The following ACTR3C variants were observed in gnomAD, a reference collection of about 807,000 sequenced individuals.
ACTR3C encodes actin related protein 3C.
ACTR3C carries 18 observed loss-of-function variants against 26.3 expected under a neutral mutation model. The observed-to-expected ratio is 0.68, with a 90% confidence interval of 0.47 to 1.01. The LOEUF (loss-of-function observed/expected upper bound fraction) is 1.01, where lower values mean the gene tolerates loss of function less well. ACTR3C is among the 50% of genes least tolerant of loss of function. ACTR3C has a pLI of 0.00. For missense variants in ACTR3C, 184 were observed against 250.7 expected (o/e 0.73, Z 1.80); for synonymous variants, 55 against 94.5 (o/e 0.58, Z 2.42).
the ACTR3C span, among the ~76,000 whole-genome samples, chr7:150,126,673 G>T: frequency 6.6e-6 from 1 of 152,152 alleles, no homozygotes; most frequent in African/African-American, 2.4e-5. Flanking sequence ...TTTGTGCTTT[G>T]CCTTGGACAG....
chr7:150,176,970 C>A, the ACTR3C span, among the ~76,000 whole-genome samples: 1 of 150,548 alleles, frequency 6.6e-6, no homozygotes, highest in Non-Finnish European at 1.5e-5. Context: ...TGGATAATAT[C>A]CCTAGAGGTC....
chr7:150,233,943 C>G, the ACTR3C span, among the ~76,000 whole-genome samples: 1 of 151,928 alleles, frequency 6.6e-6, no homozygotes, highest in Non-Finnish European at 1.5e-5. Context: ...GGCAAACAGG[C>G]CTTTAGTGAG....
chr7:150,305,068 C>T (rs951780204), intron 1 of ACTR3C, among the ~76,000 whole-genome samples: 1 of 152,092 alleles, frequency 6.6e-6, no homozygotes, highest in African/African-American at 2.4e-5. Context: ...GAGCAAAGTG[C>T]TGGACTGAGG....
At chr7:149,913,884 C>CCTAACTCATATGT in the ACTR3C span, among the ~76,000 whole-genome samples, 12 of 52,012 alleles carry the variant, frequency 2.3e-4, no homozygotes, top group Middle Eastern at 8.6e-3. Context: ...ACTCATATGT[C>CCTAACTCATATGT]CCTTTTTTTT....
the ACTR3C span, among the ~76,000 whole-genome samples, chr7:150,038,241 T>C: frequency 1.4e-5 from 2 of 143,474 alleles, no homozygotes; most frequent in African/African-American, 5.3e-5. Context: ...GGCCCTCAAA[T>C]AGGGGGGCCA....
At chr7:150,265,807 T>C (rs1437790376) in intron 6 of ACTR3C, among the ~76,000 whole-genome samples, 2 of 152,184 alleles carry the variant, frequency 1.3e-5, no homozygotes, top group Non-Finnish European at 2.9e-5. Flanking sequence ...ATTTATCGTT[T>C]GCATGCATTT....
chr7:150,018,630 A>G, the ACTR3C span, among the ~76,000 whole-genome samples: 1 of 150,270 alleles, frequency 6.7e-6, no homozygotes, highest in African/African-American at 2.5e-5. Flanking sequence ...ATATTTTAAC[A>G]ACAAAAAAAA....
At chr7:150,037,134 C>T in the ACTR3C span, among the ~76,000 whole-genome samples, 2 of 79,528 alleles carry the variant, frequency 2.5e-5, 1 homozygote, top group South Asian at 8.2e-4. Flanking sequence ...GGCTCTCAGT[C>T]CCTGCCTCGT....
chr7:150,231,561 C>A, the ACTR3C span, among the ~76,000 whole-genome samples: 1 of 150,324 alleles, frequency 6.7e-6, no homozygotes, highest in East Asian at 1.9e-4. Flanking sequence ...TCTCGTATAG[C>A]CTATAGAACT....
chr7:150,274,099 T>C lies in ACTR3C; in HGVS notation c.564+10654A>G, dbSNP rs561530244. Among the ~76,000 whole-genome samples the C allele has an allele frequency of 6.6e-5, 10 of 151,432 alleles. No homozygotes were observed. In the South Asian group the frequency reaches 2.1e-3, roughly 31 times the overall value. The stretch of plus-strand genomic sequence containing the variant: ...TAAATAACTAAAATATATAGCAAAT[T>C]AGGAGATGAATGTTATGGAGAAAAA... On this transcript the variant is annotated intron_variant, in intron 6 of 7. Coordinates refer to ENST00000683684, the MANE Select transcript of ACTR3C (RefSeq NM_001164458.2). The surrounding 1 kb of genome is among the most constrained non-coding windows in gnomAD (Gnocchi z 4.1).
At chr7:150,180,260 G>A in the ACTR3C span, among the ~76,000 whole-genome samples, 25 of 149,642 alleles carry the variant, frequency 1.7e-4, no homozygotes, top group African/African-American at 2.5e-4. Flanking sequence ...AGCCGAGATC[G>A]CGCCACTGCA....
At chr7:150,124,136 A>G in the ACTR3C span, among the ~76,000 whole-genome samples, 1 of 152,068 alleles carries the variant, frequency 6.6e-6, no homozygotes. Flanking sequence ...AGCTTTTGAA[A>G]ATATTCATTT....
the ACTR3C span, among the ~76,000 whole-genome samples, chr7:150,006,828 A>T: frequency 6.6e-6 from 1 of 152,226 alleles, no homozygotes; most frequent in South Asian, 2.1e-4. Flanking sequence ...TCAAGGTTTT[A>T]TTCTTCCTGT....
the ACTR3C span, among the ~76,000 whole-genome samples, chr7:150,029,835 G>C: frequency 6.6e-6 from 1 of 151,858 alleles, no homozygotes; most frequent in Non-Finnish European, 1.5e-5. Flanking sequence ...AATACTCTGA[G>C]CTCTCCCTGA....
chr7:150,259,159 C>G (rs1385481427), intron 6 of ACTR3C, among the ~76,000 whole-genome samples: 6 of 151,820 alleles, frequency 4.0e-5, no homozygotes, highest in Non-Finnish European at 8.8e-5. Flanking sequence ...TTACTGTCTT[C>G]TTTTCAGAAT....
At chr7:150,030,648 C>T in the ACTR3C span, among the ~76,000 whole-genome samples, 12 of 148,790 alleles carry the variant, frequency 8.1e-5, no homozygotes, top group Non-Finnish European at 3.0e-5. Context: ...GGAAGGTGAC[C>T]TTGCCCTTCT....
intron 6 of ACTR3C, among the ~76,000 whole-genome samples, chr7:150,261,795 GTC>G (rs1419066642): frequency 6.6e-6 from 1 of 152,276 alleles, no homozygotes; most frequent in Admixed American, 6.5e-5. Flanking sequence ...GGCCCCTAAT[GTC>G]ATATACTGAA....
At chr7:149,982,112 C>G in the ACTR3C span, among the ~76,000 whole-genome samples, 1 of 152,128 alleles carries the variant, frequency 6.6e-6, no homozygotes, top group African/African-American at 2.4e-5. Context: ...TGGAACACTT[C>G]CAAAAGTGGA....
the ACTR3C span, among the ~76,000 whole-genome samples, chr7:149,893,633 G>C: frequency 7.2e-5 from 11 of 152,262 alleles, no homozygotes; most frequent in Admixed American, 2.6e-4. Context: ...AGACATTAGA[G>C]AAATATTTGT....
Sources: gnomAD v4.1 joint callset for allele counts (sites outside exome capture counted in the v4.1 genomes callset) on GRCh38, gnomAD v4.1.1 for gene constraint, Gnocchi (gnomAD v3.1) non-coding constraint, MANE v1.5 for transcripts, NCBI Gene and HGNC (gene_info 2026-07-23, HGNC 2026-07-21) for gene names.